The following ASIP variants were observed in gnomAD, a reference collection of about 807,000 sequenced individuals.
ASIP encodes the protein agouti-signaling protein.
In ASIP, 11 loss-of-function variants were observed where a neutral mutation model predicts 10.3. The ratio of observed to expected loss-of-function variants is 1.07; its 90% CI spans 0.68 to 1.78. The LOEUF is 1.78. ASIP is among the 40% of genes most tolerant of loss of function. The probability of loss-of-function intolerance (pLI) is 0.00; values close to 1 mark genes in which losing one functional copy is unlikely to be tolerated. For missense variants in ASIP, 180 were observed against 169.2 expected (o/e 1.06, Z -0.35); for synonymous variants, 70 against 70.8 (o/e 0.99, Z 0.06).
upstream of ASIP, among the ~76,000 whole-genome samples, chr20:34,241,327 C>T (rs373760160): frequency 1.3e-5 from 2 of 152,178 alleles, no homozygotes; most frequent in African/African-American, 2.4e-5. Context: ...TCTGAAAGAA[C>T]CTTCCTGCCT....
At chr20:34,207,984 T>C (rs1004954753) in intron 1 of ASIP, among the ~76,000 whole-genome samples, 16 of 151,782 alleles carry the variant, frequency 1.1e-4, no homozygotes, top group Non-Finnish European at 1.9e-4. Flanking sequence ...AGAGACCGGG[T>C]TTCACCATGG....
intron 1 of ASIP, among the ~76,000 whole-genome samples, chr20:34,247,684 C>G (rs1601596807): frequency 1.3e-5 from 2 of 152,044 alleles, no homozygotes; most frequent in African/African-American, 4.8e-5. Flanking sequence ...ACACAGCTCA[C>G]TGCAGCCTTG....
chr20:34,250,908 C>T (rs1461248263), intron 1 of ASIP, among the ~76,000 whole-genome samples: 2 of 152,082 alleles, frequency 1.3e-5, no homozygotes, highest in Non-Finnish European at 2.9e-5. Flanking sequence ...AAGGGGATGC[C>T]TTCAGTGCAC....
At chr20:34,188,628 A>T in the ASIP span, among the ~76,000 whole-genome samples, 1 of 152,216 alleles carries the variant, frequency 6.6e-6, no homozygotes, top group Admixed American at 6.5e-5. Context: ...CTAGGATTAT[A>T]TTCTGTTTAT....
At chr20:34,191,144 C>T (rs2034822397), upstream of ASIP, among the ~76,000 whole-genome samples, 1 of 152,176 alleles carries the variant, frequency 6.6e-6, no homozygotes, top group Non-Finnish European at 1.5e-5. Flanking sequence ...ACAGGTATTA[C>T]TTTGTTCCCT....
At chr20:34,215,484 T>C in intron 1 of ASIP, 1 of 1,527,698 alleles carries the variant, frequency 6.5e-7, no homozygotes, top group Non-Finnish European at 9.1e-7. Context: ...CTACTCCCCT[T>C]GGATTTAGGT....
chr20:34,190,457 C>T (rs1405560885), upstream of ASIP, among the ~76,000 whole-genome samples: 1 of 152,188 alleles, frequency 6.6e-6, no homozygotes, highest in Non-Finnish European at 1.5e-5. Context: ...TGGGTGATCT[C>T]ATCTGTTCCC....
intron 1 of ASIP, among the ~76,000 whole-genome samples, chr20:34,222,111 A>AAAATAAAT (rs552528111): frequency 2.2e-4 from 34 of 152,244 alleles, no homozygotes; most frequent in African/African-American, 7.5e-4. Context: ...CCCTATCTCA[A>AAAATAAAT]AAATAAATAA....
chr20:34,188,805 G>C, the ASIP span, among the ~76,000 whole-genome samples: 2 of 152,012 alleles, frequency 1.3e-5, no homozygotes, highest in Non-Finnish European at 2.9e-5. Flanking sequence ...CTGAAGTTTG[G>C]GAGACACTTC....
chr20:34,223,802 A>G lies in ASIP; in HGVS notation c.-11+29042A>G, dbSNP rs1417923853. Among the ~76,000 whole-genome samples, 4 of 129,216 alleles carry G rather than the reference A, an allele frequency of 3.1e-5. No homozygotes were observed. In the East Asian group the frequency reaches 6.7e-4, roughly 22 times the overall value. The allele number at this position is 129,216 out of a possible 152,430, so 84.8% of individuals were successfully genotyped here. Reference sequence around the variant, plus strand: ...GGCGGGAAAGGTGGGGAAAAGATTGAGAAATCGGATGGTTGCCGTGTCTGT... The same window carrying G: ...GGCGGGAAAGGTGGGGAAAAGATTGGGAAATCGGATGGTTGCCGTGTCTGT... On this transcript the variant is annotated intron_variant, in intron 1 of 3. Coordinates refer to the ASIP transcript ENST00000568305.
intron 1 of ASIP, among the ~76,000 whole-genome samples, chr20:34,233,006 G>T (rs1311117579): frequency 6.6e-6 from 1 of 152,020 alleles, no homozygotes; most frequent in Non-Finnish European, 1.5e-5. Flanking sequence ...CCAGGTACTG[G>T]GATCGTTGTT....
At chr20:34,260,054 A>T (rs1388190022) in intron 1 of ASIP, among the ~76,000 whole-genome samples, 1 of 151,938 alleles carries the variant, frequency 6.6e-6, no homozygotes, top group Non-Finnish European at 1.5e-5. Flanking sequence ...CACAGACATT[A>T]AAAAAACACA....
Position 34,217,874 on chromosome 20 carries a change from C to T in ASIP, c.-11+23114C>T, listed in dbSNP as rs2035020740. Among the ~76,000 whole-genome samples, 3 of 152,184 alleles carry T rather than the reference C, an allele frequency of 2.0e-5. No individual in the cohort carries two copies. The South Asian group carries it at 6.2e-4, about 32-fold the overall frequency. On this transcript the variant is annotated intron_variant, in intron 1 of 3. Transcript: ENST00000568305. ...CACCGCGCCCAGCCCGCTGAAAGCT[C>T]TTTTCAGCCTCTCAGCGCTGCTTTT... is the stretch of plus-strand genomic sequence containing the variant.
intron 1 of ASIP, among the ~76,000 whole-genome samples, chr20:34,202,801 CTTTTTTTT>C (rs34156089): frequency 5.2e-5 from 3 of 57,264 alleles, no homozygotes; most frequent in South Asian, 5.2e-4. Flanking sequence ...CTTGGCTATT[CTTTTTTTT>C]TTTTTTTTTT....
chr20:34,195,434 T>C (rs1198374089), intron 1 of ASIP, among the ~76,000 whole-genome samples: 1 of 152,156 alleles, frequency 6.6e-6, no homozygotes, highest in Non-Finnish European at 1.5e-5. Context: ...AAGGAGTGCA[T>C]CTGTGTCTCC....
chr20:34,260,884 G>A (rs560437269), intron 2 of ASIP, among the ~76,000 whole-genome samples: 18 of 152,306 alleles, frequency 1.2e-4, no homozygotes, highest in South Asian at 8.3e-4. Context: ...GCAAGTCTGG[G>A]ATGGACCAGT....
chr20:34,236,643 G>A (rs1021860392), upstream of ASIP, among the ~76,000 whole-genome samples: 32 of 152,154 alleles, frequency 2.1e-4, no homozygotes, highest in African/African-American at 7.5e-4. Context: ...CTGAGCCCAG[G>A]AGTTTGAAAC....
chr20:34,246,061 T>A, intron 1 of ASIP: 8 of 891,338 alleles, frequency 9.0e-6, no homozygotes, highest in Non-Finnish European at 1.3e-5. Context: ...AATAATTTCA[T>A]CCTCCCCATT....
intron 1 of ASIP, among the ~76,000 whole-genome samples, chr20:34,220,334 C>T (rs111645613): frequency 2.6e-5 from 4 of 152,152 alleles, no homozygotes; most frequent in East Asian, 3.9e-4. Flanking sequence ...CAGTGGCTCA[C>T]GCCTGTAATC....
Sources: gnomAD v4.1 joint callset for allele counts (sites outside exome capture counted in the v4.1 genomes callset) on GRCh38, gnomAD v4.1.1 for gene constraint, MANE v1.5 for transcripts, NCBI Gene and HGNC (gene_info 2026-07-23, HGNC 2026-07-21) for gene names.